The following CDH13 variants were observed in gnomAD, a reference collection of about 807,000 sequenced individuals.
CDH13 encodes the protein cadherin 13.
In CDH13, 24 loss-of-function variants were observed where a neutral mutation model predicts 63.8. The observed-to-expected ratio is 0.38, with a 90% CI of 0.27 to 0.53. CDH13 has a LOEUF of 0.53. Ranked by LOEUF, CDH13 falls within the 20% of genes least tolerant of loss-of-function variation. The pLI is 0.85. For missense variants in CDH13, 1,049 were observed against 903.1 expected (o/e 1.16, Z -2.07); for synonymous variants, 503 against 355.3 (o/e 1.42, Z -4.67).
chr16:82,742,432 T>C (rs532823847), intron 1 of CDH13, among the ~76,000 whole-genome samples: 1 of 152,314 alleles, frequency 6.6e-6, no homozygotes, highest in African/African-American at 2.4e-5. Flanking sequence ...CAGTAACTTG[T>C]ACTGTTAACT....
At chr16:82,918,583 C>A (rs1424998190) in intron 2 of CDH13, among the ~76,000 whole-genome samples, 3 of 151,136 alleles carry the variant, frequency 2.0e-5, no homozygotes, top group African/African-American at 7.3e-5. Context: ...ATCTCCGATC[C>A]CTGGAACTTC....
At chr16:83,697,807 C>T (rs1194849254) in intron 10 of CDH13, among the ~76,000 whole-genome samples, 1 of 152,198 alleles carries the variant, frequency 6.6e-6, no homozygotes, top group Admixed American at 6.5e-5. Flanking sequence ...GCCACCATGC[C>T]TGGCTAATTT....
chr16:83,218,352 C>G (rs2039600213), intron 5 of CDH13, among the ~76,000 whole-genome samples: 1 of 152,164 alleles, frequency 6.6e-6, no homozygotes, highest in East Asian at 1.9e-4. Context: ...GATGCGGGTG[C>G]TTTCCAGATG....
rs541927804 is a variant in CDH13 at position 83,627,998 on chromosome 16, C to T, written c.1101+25404C>T. On this transcript the variant is annotated intron_variant, in intron 8 of 13. Transcript: ENST00000567109. The stretch of plus-strand genomic sequence containing the variant: ...CTGACGTTACCATGGCATTTGTAAA[C>T]TGTCATAGCGCTGGTGGGAGTGTAG... Among the ~76,000 whole-genome samples, 2 of 152,278 alleles carry T rather than the reference C, an allele frequency of 1.3e-5. 1 individual carries two copies.
At chr16:83,032,744 C>T (rs1362329057) in intron 3 of CDH13, among the ~76,000 whole-genome samples, 3 of 152,172 alleles carry the variant, frequency 2.0e-5, no homozygotes, top group Non-Finnish European at 2.9e-5. Flanking sequence ...TGGTTGGCCA[C>T]GTCTCGGTCA....
At chr16:83,729,599 G>A (rs113768716) in intron 10 of CDH13, among the ~76,000 whole-genome samples, 24 of 152,250 alleles carry the variant, frequency 1.6e-4, no homozygotes, top group African/African-American at 5.8e-4. Context: ...GTGTGTCCTG[G>A]ACCCAGCTAC....
chr16:83,783,285 T>A lies in CDH13; in HGVS notation c.1947T>A (p.Asn649Lys), dbSNP rs1477009892. The A allele has an allele frequency of 6.2e-7, 1 of 1,613,828 alleles. No individual in the cohort carries two copies. Among genetic ancestry groups the A allele is most frequent in the African/African-American group, 1.3e-5 (1 of 74,914 alleles). Residue 649 changes from asparagine (N) to lysine (K), a missense_variant, in exon 13 of 14, where the codon AAT (asparagine) becomes AAA (lysine). Transcript: ENST00000567109. Reference sequence around the variant, plus strand: ...ACGCCCTGGTAAGCCTTCTTCAAAATCTGAACAAAGCAAACTACAACCTGC... The same window carrying A: ...ACGCCCTGGTAAGCCTTCTTCAAAAACTGAACAAAGCAAACTACAACCTGC... Reference protein sequence around the residue: ...NTHALVSLLQNLNKANYNLPI... With the variant: ...NTHALVSLLQKLNKANYNLPI...
intron 2 of CDH13, among the ~76,000 whole-genome samples, chr16:82,901,071 TG>T (rs1259250271): frequency 2.0e-5 from 2 of 97,564 alleles, no homozygotes; most frequent in Non-Finnish European, 2.0e-5. Context: ...AAATGTATAT[TG>T]ATTTTTTTTT....
At chr16:83,281,074 G>C (rs1163112135) in intron 5 of CDH13, among the ~76,000 whole-genome samples, 1 of 152,106 alleles carries the variant, frequency 6.6e-6, no homozygotes, top group Non-Finnish European at 1.5e-5. Flanking sequence ...TTTGAAGCCA[G>C]GCATTGACTT....
chr16:83,089,530 G>T (rs879648131), intron 3 of CDH13, among the ~76,000 whole-genome samples: 10 of 152,184 alleles, frequency 6.6e-5, no homozygotes, highest in Non-Finnish European at 1.5e-4. Context: ...TCACCAGTGG[G>T]ACCAGACAGG....
At chr16:83,126,092 C>T (rs1054817226) in intron 4 of CDH13, among the ~76,000 whole-genome samples, 7 of 152,178 alleles carry the variant, frequency 4.6e-5, no homozygotes, top group South Asian at 2.1e-4. Flanking sequence ...AGAGAGTCAA[C>T]ATGGAGAATC....
chr16:83,483,928 C>T (rs1466134858), intron 6 of CDH13, among the ~76,000 whole-genome samples: 3 of 152,170 alleles, frequency 2.0e-5, no homozygotes, highest in African/African-American at 7.2e-5. Flanking sequence ...CTGCTGTCTT[C>T]CAGAGACAGG....
chr16:83,714,536 G>T (rs1908598006), intron 10 of CDH13, among the ~76,000 whole-genome samples: 1 of 152,138 alleles, frequency 6.6e-6, no homozygotes, highest in Non-Finnish European at 1.5e-5. Flanking sequence ...CTAACCATGT[G>T]ATGCTTTCTA....
At chr16:83,409,603 C>T (rs1393636838) in intron 6 of CDH13, among the ~76,000 whole-genome samples, 4 of 152,204 alleles carry the variant, frequency 2.6e-5, no homozygotes, top group Non-Finnish European at 5.9e-5. Context: ...GTAATCTACC[C>T]ATTGTATGTG....
chr16:83,230,984 G>T (rs748167612), intron 5 of CDH13, among the ~76,000 whole-genome samples: 1 of 152,204 alleles, frequency 6.6e-6, no homozygotes, highest in Non-Finnish European at 1.5e-5. Flanking sequence ...CATTCAGAAT[G>T]GTTGCTCCCT....
chr16:83,446,624 C>T (rs1315787315), intron 6 of CDH13, among the ~76,000 whole-genome samples: 1 of 152,164 alleles, frequency 6.6e-6, no homozygotes, highest in Non-Finnish European at 1.5e-5. Flanking sequence ...CTGCTCATTT[C>T]TCCATCTCCT....
intron 4 of CDH13, among the ~76,000 whole-genome samples, chr16:83,164,096 C>T (rs2037560267): frequency 1.3e-5 from 2 of 152,054 alleles, no homozygotes; most frequent in African/African-American, 2.4e-5. Context: ...AATGAAAACC[C>T]AGCAGCCTGA....
chr16:83,762,118 C>T (rs901986300), intron 11 of CDH13, among the ~76,000 whole-genome samples: 1 of 152,078 alleles, frequency 6.6e-6, no homozygotes, highest in African/African-American at 2.4e-5. Flanking sequence ...TACCTAAGAA[C>T]ATTGTTTCAA....
intron 5 of CDH13, among the ~76,000 whole-genome samples, chr16:83,315,826 A>G (rs1467349942): frequency 6.6e-6 from 1 of 150,700 alleles, no homozygotes; most frequent in African/African-American, 2.4e-5. Context: ...TCATTTGCTC[A>G]TTCACCACCA....
Sources: gnomAD v4.1 joint callset for allele counts (sites outside exome capture counted in the v4.1 genomes callset) on GRCh38, gnomAD v4.1.1 for gene constraint, MANE v1.5 for transcripts, NCBI Gene and HGNC (gene_info 2026-07-23, HGNC 2026-07-21) for gene names.